The following SHANK2 variants were observed in gnomAD, a reference collection of about 807,000 sequenced individuals.
SHANK2 encodes the protein SH3 and multiple ankyrin repeat domains 2.
In SHANK2, 43 loss-of-function variants were observed where a neutral mutation model predicts 133.7. That is an observed-to-expected ratio of 0.32 (90% CI 0.25 to 0.41). The LOEUF (loss-of-function observed/expected upper bound fraction) is 0.41. Ranked by LOEUF, SHANK2 falls within the 10% of genes least tolerant of loss-of-function variation. SHANK2 has a pLI of 1.00. For synonymous variants in SHANK2, 1,017 were observed against 952.8 expected (o/e 1.07, Z -1.24); for missense variants, 1,994 against 2,235.8 (o/e 0.89, Z 2.18).
chr11:71,216,873 A>AT (rs1406853735), intron 2 of SHANK2, among the ~76,000 whole-genome samples: 1 of 152,182 alleles, frequency 6.6e-6, no homozygotes, highest in Non-Finnish European at 1.5e-5. Context: ...CATTTACTAT[A>AT]TTTTTTAGAG....
intron 6 of SHANK2, 58 bp downstream of exon 6, chr11:71,109,883 G>A (rs886283874): frequency 9.6e-7 from 1 of 1,042,674 alleles, no homozygotes; most frequent in Non-Finnish European, 1.5e-6. Flanking sequence ...TGAGCAGTGG[G>A]CTGGCCTTCT....
Position 70,486,636 on chromosome 11 carries a change from T to G in SHANK2, c.3657A>C (p.Ala1219=). The G allele has an allele frequency of 6.2e-7, 1 of 1,612,774 alleles. No homozygotes were observed. Among genetic ancestry groups the G allele is most frequent in the Non-Finnish European group, 8.5e-7 (1 of 1,179,938 alleles). Residue 1219 remains alanine (A), a synonymous_variant, in exon 25 of 26, where the codon GCA becomes GCC. Coordinates refer to ENST00000601538, the MANE Select transcript of SHANK2 (RefSeq NM_012309.5). The surrounding 1 kb of genome is among the most constrained non-coding windows in gnomAD (Gnocchi z 8.0). ...TCATGGCTCGGTCCCTTGCGGAGAG[T>G]GCCAGGGCCAGCGGGGAGCTGGGAT... is the stretch of plus-strand genomic sequence containing the variant. The part of the protein sequence containing the change: ...LLDPSSPLAL[A]LSARDRAMKE...
chr11:71,216,388 C>T (rs1555119895), intron 2 of SHANK2, among the ~76,000 whole-genome samples: 1 of 152,118 alleles, frequency 6.6e-6, no homozygotes, highest in Admixed American at 6.6e-5. Flanking sequence ...TATACGATTC[C>T]ATTTATATGA....
intron 17 of SHANK2, among the ~76,000 whole-genome samples, chr11:70,532,936 C>T (rs2059494210): frequency 6.6e-6 from 1 of 152,202 alleles, no homozygotes; most frequent in East Asian, 1.9e-4. Context: ...GAATGAAATG[C>T]TGACACGTGT....
intron 14 of SHANK2, among the ~76,000 whole-genome samples, chr11:70,773,416 A>G (rs1466584446): frequency 1.3e-5 from 2 of 152,216 alleles, no homozygotes; most frequent in Admixed American, 6.5e-5. Context: ...GCCATTAGCA[A>G]TGGTGCTTTG....
At chr11:71,234,411 A>G (rs1403536768) in intron 1 of SHANK2, among the ~76,000 whole-genome samples, 1 of 151,864 alleles carries the variant, frequency 6.6e-6, no homozygotes, top group Non-Finnish European at 1.5e-5. Flanking sequence ...ATAACAACAA[A>G]ATGTTAGCCT....
rs935832116 is a variant in SHANK2, at chr11:70,469,814, A to G, written c.*3055T>C. 3 of 152,680 alleles carry G rather than the reference A, an allele frequency of 2.0e-5. No homozygotes were observed. Among genetic ancestry groups the G allele is most frequent in the Admixed American group, 2.0e-4 (3 of 15,290 alleles). The allele number at this position is 152,680 out of a possible 1,614,324, so 9.5% of individuals were successfully genotyped here. A position where few individuals can be genotyped will look rare whatever the true frequency, so the allele number is the denominator to read the frequency against. On this transcript the variant is annotated 3_prime_UTR_variant, in exon 26 of 26. Coordinates refer to ENST00000601538, the MANE Select transcript of SHANK2 (RefSeq NM_012309.5). ...GTGATATGTAAAGTTCAGCAAATCA[A>G]CAGTCACATTGAGTAATTTTTATAT...
Position 70,844,064 on chromosome 11 carries a change from G to A in SHANK2, c.1175-23382C>T, listed in dbSNP as rs555068702. ...CCCCTGTCCCATCTGAGTCCCCAAG[G>A]TGGTGGGAGCTCCCTGGGGGATGAG... is the stretch of plus-strand genomic sequence containing the variant. On this transcript the variant is annotated intron_variant, in intron 11 of 25. Transcript: ENST00000601538. Among the ~76,000 whole-genome samples the A allele has an allele frequency of 9.2e-5, 14 of 152,224 alleles. No individual in the cohort carries two copies. In the South Asian group the frequency reaches 2.9e-3, roughly 32 times the overall value.
At chr11:70,714,881 C>A (rs1167352568) in intron 14 of SHANK2, among the ~76,000 whole-genome samples, 2 of 152,082 alleles carry the variant, frequency 1.3e-5, no homozygotes, top group African/African-American at 4.8e-5. Flanking sequence ...TCATAGCTCA[C>A]TGCAGCCTTG....
At chr11:70,775,473 T>A (rs1555043743) in intron 14 of SHANK2, among the ~76,000 whole-genome samples, 2 of 151,950 alleles carry the variant, frequency 1.3e-5, no homozygotes, top group Non-Finnish European at 1.5e-5. Flanking sequence ...TGAGAAAAAA[T>A]TATTTTGCAG....
chr11:70,733,887 AC>A (rs1249759940), intron 14 of SHANK2, among the ~76,000 whole-genome samples: 21 of 152,124 alleles, frequency 1.4e-4, no homozygotes, highest in African/African-American at 4.6e-4. Context: ...GGGGAGGGTG[AC>A]CCCCCAAGCA....
At chr11:71,232,474 G>A (rs1157196339) in intron 1 of SHANK2, among the ~76,000 whole-genome samples, 3 of 151,932 alleles carry the variant, frequency 2.0e-5, no homozygotes, top group Admixed American at 2.0e-4. Context: ...TCTTACACGT[G>A]GATATTCTCC....
rs372773634 is a variant in SHANK2 at position 71,093,965 on chromosome 11, G to C, written c.744+572C>G. ...GGCGCCGTGGCTGCAGTGTGAGGCA[G>C]GGGCACGGAGCAGTAAGACAGCAGC... On this transcript the variant is annotated intron_variant, in intron 7 of 25. Coordinates refer to ENST00000601538, the MANE Select transcript of SHANK2 (RefSeq NM_012309.5). 2.0e-4 allele frequency among the ~76,000 whole-genome samples: 30 copies of C among 152,294 alleles called. No individual in the cohort carries two copies. In the East Asian group the frequency reaches 5.4e-3, roughly 28 times the overall value.
intron 17 of SHANK2, among the ~76,000 whole-genome samples, chr11:70,596,647 G>C (rs1319594038): frequency 6.6e-6 from 1 of 152,226 alleles, no homozygotes; most frequent in African/African-American, 2.4e-5. Flanking sequence ...TGCAGCGCAG[G>C]GACTGGTGGC....
chr11:71,245,279 C>G (rs1253537318), intron 1 of SHANK2, among the ~76,000 whole-genome samples: 39 of 152,212 alleles, frequency 2.6e-4, no homozygotes, highest in Admixed American at 2.6e-3. Flanking sequence ...CTCGACCGGC[C>G]TCACCAAGTG....
chr11:70,523,618 C>A (rs1283593287), intron 17 of SHANK2, among the ~76,000 whole-genome samples: 2 of 152,144 alleles, frequency 1.3e-5, no homozygotes, highest in Non-Finnish European at 2.9e-5. Flanking sequence ...GGTCCTGCCC[C>A]CTCCCTGGCT....
chr11:71,213,657 C>T (rs1954333936), intron 2 of SHANK2, among the ~76,000 whole-genome samples: 3 of 152,214 alleles, frequency 2.0e-5, no homozygotes, highest in Admixed American at 1.3e-4. Context: ...AACTGACTCC[C>T]TGTGGGAAAA....
intron 8 of SHANK2, among the ~76,000 whole-genome samples, chr11:71,079,786 A>G (rs1951268964): frequency 6.9e-6 from 1 of 144,106 alleles, no homozygotes; most frequent in Non-Finnish European, 1.5e-5. Context: ...GAGAGTAAGA[A>G]AGAGAGAGAA....
intron 9 of SHANK2, among the ~76,000 whole-genome samples, chr11:71,063,296 T>C (rs1173689254): frequency 2.0e-5 from 3 of 152,204 alleles, no homozygotes; most frequent in African/African-American, 7.2e-5. Flanking sequence ...CTCCGACCCA[T>C]TACCACGTGT....
Sources: gnomAD v4.1 joint callset for allele counts (sites outside exome capture counted in the v4.1 genomes callset) on GRCh38, gnomAD v4.1.1 for gene constraint, Gnocchi (gnomAD v3.1) non-coding constraint, MANE v1.5 for transcripts, NCBI Gene and HGNC (gene_info 2026-07-23, HGNC 2026-07-21) for gene names.